Variants in LRP1B observed in about 807,000 individuals in gnomAD.
LRP1B encodes the protein LDL receptor related protein 1B, also known as low-density lipoprotein receptor-related protein 1B.
LRP1B carries 217 observed loss-of-function variants against 556.6 expected under a neutral mutation model. The observed-to-expected ratio is 0.39, with a 90% CI of 0.35 to 0.44. The LOEUF (loss-of-function observed/expected upper bound fraction) is 0.44, where lower values mean the gene tolerates loss of function less well. LRP1B is among the 20% of genes least tolerant of loss of function. The pLI is 1.00. For synonymous variants in LRP1B, 2,047 were observed against 1,865.8 expected, an observed-to-expected ratio of 1.10 and a Z score of -2.50; for missense variants, 5,053 against 5,620.8, an observed-to-expected ratio of 0.90 and a Z score of 3.23.
At chr2:141,865,694 T>A (rs1698393177) in intron 1 of LRP1B, among the ~76,000 whole-genome samples, 1 of 151,840 alleles carries the variant, frequency 6.6e-6, no homozygotes, top group African/African-American at 2.4e-5. Context: ...GTTGGAGGTA[T>A]GTGCTTTGCT....
At chr2:140,579,790 C>A (rs1022131963) in intron 43 of LRP1B, among the ~76,000 whole-genome samples, 4 of 152,098 alleles carry the variant, frequency 2.6e-5, no homozygotes, top group African/African-American at 9.7e-5. Context: ...TGCAGTGAAC[C>A]GAGATCGCGC....
Position 140,697,518 on chromosome 2 carries a change from C to T in LRP1B, c.6799+2732G>A, listed in dbSNP as rs185463680. Among the ~76,000 whole-genome samples, 681 of 151,846 alleles carry T rather than the reference C, an allele frequency of 4.5e-3. 9 individuals are homozygous for T. The South Asian group carries it at 0.046, about 10-fold the overall frequency. On this transcript the variant is annotated intron_variant, in intron 41 of 90. Coordinates refer to ENST00000389484, the MANE Select transcript of LRP1B (RefSeq NM_018557.3). The stretch of plus-strand genomic sequence containing the variant: ...TTCATTGCAGCATTAATCATAATAG[C>T]CAATTGTAGAAACAACCCAAGTGTC...
chr2:140,413,458 G>A (rs1685049267), intron 66 of LRP1B, among the ~76,000 whole-genome samples: 2 of 152,060 alleles, frequency 1.3e-5, no homozygotes, highest in Non-Finnish European at 2.9e-5. Context: ...AAAAGACAAC[G>A]CTACACCTAG....
chr2:140,749,288 A>T (rs1371254039), intron 35 of LRP1B, among the ~76,000 whole-genome samples: 2 of 152,128 alleles, frequency 1.3e-5, no homozygotes, highest in African/African-American at 4.8e-5. Context: ...CACTTAGGCT[A>T]CACTAAATTT....
At chr2:141,709,701 G>T (rs528694237) in intron 2 of LRP1B, among the ~76,000 whole-genome samples, 25 of 152,284 alleles carry the variant, frequency 1.6e-4, no homozygotes, top group African/African-American at 6.0e-4. Context: ...ACTATACGTG[G>T]TGTGTGGGCA....
intron 41 of LRP1B, among the ~76,000 whole-genome samples, chr2:140,613,572 C>A (rs1344483427): frequency 6.6e-6 from 1 of 151,080 alleles, no homozygotes; most frequent in African/African-American, 2.4e-5. Context: ...ATCTTCTTGA[C>A]CCAACTCTAG....
At chr2:140,518,004 C>A (rs1420996420) in intron 49 of LRP1B, among the ~76,000 whole-genome samples, 1 of 151,998 alleles carries the variant, frequency 6.6e-6, no homozygotes, top group Non-Finnish European at 1.5e-5. Context: ...CCACTGTGCC[C>A]AGCCTAAATT....
intron 3 of LRP1B, among the ~76,000 whole-genome samples, chr2:141,467,843 G>GT (rs761721055): frequency 7.5e-6 from 1 of 133,196 alleles, no homozygotes; most frequent in Non-Finnish European, 1.6e-5. Context: ...GCGGACCGGG[G>GT]GGGGGGGAAT....
intron 7 of LRP1B, among the ~76,000 whole-genome samples, chr2:141,165,195 C>T (rs550329740): frequency 1.3e-5 from 2 of 151,766 alleles, no homozygotes; most frequent in East Asian, 1.9e-4. Flanking sequence ...ATCACAAAAT[C>T]GGGGAGTTGA....
Position 140,646,452 on chromosome 2 carries a change from A to G in LRP1B, c.6800-44813T>C, listed in dbSNP as rs531514834. ...TACTATTAACTTAGTGGGTGAAAAA[A>G]TTGAAGGTCAGGGAGTTAAATGACT... is the stretch of plus-strand genomic sequence containing the variant. On this transcript the variant is annotated intron_variant, in intron 41 of 90. Coordinates refer to ENST00000389484, the MANE Select transcript of LRP1B (RefSeq NM_018557.3). Among the ~76,000 whole-genome samples, 19 of 152,288 alleles carry G rather than the reference A, an allele frequency of 1.2e-4. 1 individual carries two copies. The South Asian group carries it at 3.9e-3, about 32-fold the overall frequency.
intron 3 of LRP1B, among the ~76,000 whole-genome samples, chr2:141,299,863 T>G (rs1160380567): frequency 6.6e-6 from 1 of 152,208 alleles, no homozygotes; most frequent in Non-Finnish European, 1.5e-5. Context: ...AGCTCACAGG[T>G]AATCTTAGTG....
chr2:140,448,189 T>C (rs1345620499), intron 63 of LRP1B, among the ~76,000 whole-genome samples: 2 of 152,088 alleles, frequency 1.3e-5, no homozygotes, highest in Admixed American at 6.6e-5. Flanking sequence ...TCATAAACCT[T>C]CCATTTGTGA....
intron 5 of LRP1B, 21 bp from the exon 6 acceptor site, chr2:141,229,461 A>G: frequency 6.7e-7 from 1 of 1,485,542 alleles, no homozygotes; most frequent in South Asian, 1.2e-5. Flanking sequence ...ATAGAAAAAG[A>G]GAAGTAAATT....
chr2:140,892,244 A>C (rs1693819428), intron 23 of LRP1B, among the ~76,000 whole-genome samples: 1 of 152,190 alleles, frequency 6.6e-6, no homozygotes, highest in African/African-American at 2.4e-5. Flanking sequence ...GGAGTAAGTG[A>C]CAGAAGCAGA....
chr2:141,587,619 A>C (rs1338455016), intron 2 of LRP1B, among the ~76,000 whole-genome samples: 1 of 152,190 alleles, frequency 6.6e-6, no homozygotes, highest in East Asian at 1.9e-4. Flanking sequence ...ACAGCAATAC[A>C]CACTAAAATG....
At position 140,274,517 on chromosome 2, in the gene LRP1B, C is replaced by A. The variant is rs200243152; in HGVS notation, c.13049G>T (p.Arg4350Leu). Residue 4350 changes from arginine (R) to leucine (L), a missense_variant, in exon 85 of 91, where the codon CGC becomes CTC. This residue lies in a region of LRP1B where 551 missense variants were observed against 592.0 expected (regional missense o/e 0.93). Transcript: ENST00000389484. ...AACCTCACATTTTGGTCCTTCATAG[C>A]GCGTTGGACAGACACATTCAACACT... ...DGSVECVCPT[R>L]YEGPKCEVDK... 1.2e-6 allele frequency: 2 copies of A among 1,612,256 alleles called. No individual in the cohort carries two copies. Among genetic ancestry groups the A allele is most frequent in the South Asian group, 1.1e-5 (1 of 91,068 alleles).
intron 3 of LRP1B, among the ~76,000 whole-genome samples, chr2:141,476,882 G>T (rs1211439684): frequency 6.6e-6 from 1 of 152,154 alleles, no homozygotes; most frequent in African/African-American, 2.4e-5. Context: ...CAAGCACTTT[G>T]TGATGCTGAG....
At chr2:140,802,584 A>C (rs1690553925) in intron 32 of LRP1B, among the ~76,000 whole-genome samples, 1 of 152,230 alleles carries the variant, frequency 6.6e-6, no homozygotes, top group Admixed American at 6.5e-5. Flanking sequence ...ACAGCACAGC[A>C]TACCTGCATC....
chr2:141,483,937 T>C (rs1156816005), intron 2 of LRP1B, among the ~76,000 whole-genome samples: 2 of 151,468 alleles, frequency 1.3e-5, no homozygotes, highest in African/African-American at 2.4e-5. Context: ...GATGGTAGTT[T>C]CTTTTGCTGT....
Sources: allele counts gnomAD v4.1 joint callset (sites outside exome capture counted in the v4.1 genomes callset), GRCh38; gene constraint gnomAD v4.1.1; regional missense constraint gnomAD v4.1.1; transcripts MANE v1.5; gene names NCBI Gene and HGNC (gene_info 2026-07-23, HGNC 2026-07-21).